Variants in SHC4 observed in about 807,000 individuals in gnomAD.
SHC4 encodes SHC-transforming protein 4.
SHC4 carries 41 observed loss-of-function variants against 69.4 expected under a neutral mutation model. The ratio of observed to expected loss-of-function variants is 0.59; its 90% CI spans 0.46 to 0.77. SHC4 has a LOEUF of 0.77. SHC4 is among the 30% of genes least tolerant of loss of function. The probability of loss-of-function intolerance (pLI) is 0.00; values close to 1 mark genes in which losing one functional copy is unlikely to be tolerated. For synonymous variants in SHC4, 318 were observed against 299.3 expected (o/e 1.06, Z -0.64); for missense variants, 777 against 783.8 (o/e 0.99, Z 0.10).
intron 1 of SHC4, among the ~76,000 whole-genome samples, chr15:48,947,571 A>G (rs1901298066): frequency 6.6e-6 from 1 of 152,234 alleles, no homozygotes; most frequent in Admixed American, 6.5e-5. Context: ...TTTAAAAAAT[A>G]CAAGTGAGAG....
intron 6 of SHC4, among the ~76,000 whole-genome samples, chr15:48,866,619 C>T (rs1346785444): frequency 6.6e-6 from 1 of 152,176 alleles, no homozygotes; most frequent in Non-Finnish European, 1.5e-5. Context: ...GGGATTAAGT[C>T]CCTACTCATT....
intron 11 of SHC4, among the ~76,000 whole-genome samples, chr15:48,831,004 T>C (rs993098595): frequency 2.0e-5 from 3 of 152,166 alleles, no homozygotes; most frequent in African/African-American, 4.8e-5. Context: ...GCTAGCCTAA[T>C]GTCTGTGTTT....
At chr15:48,826,252 A>AAT in intron 11 of SHC4, 126 bp from the exon 12 acceptor site, 1 of 855,116 alleles carries the variant, frequency 1.2e-6, no homozygotes, top group Non-Finnish European at 1.6e-6. Context: ...AAGAAAAGGT[A>AAT]CTTTTTTTTT....
chr15:48,878,413 C>T (rs551657799), intron 4 of SHC4: 1 of 1,611,962 alleles, frequency 6.2e-7, no homozygotes, highest in Admixed American at 1.7e-5. Flanking sequence ...CTAACGGGCC[C>T]AACGCTGGGG....
chr15:48,916,273 T>A (rs73402227), intron 2 of SHC4, among the ~76,000 whole-genome samples: 79 of 142,542 alleles, frequency 5.5e-4, no homozygotes, highest in African/African-American at 1.2e-3. Flanking sequence ...TGATGGTTGC[T>A]CACACACACA....
At chr15:48,876,036 G>A (rs983850868) in intron 4 of SHC4, among the ~76,000 whole-genome samples, 1 of 152,174 alleles carries the variant, frequency 6.6e-6, no homozygotes, top group African/African-American at 2.4e-5. Context: ...ACTGGCCAGA[G>A]TTTTTGAGTT....
chr15:48,832,692 G>T (rs1898828500), intron 11 of SHC4, among the ~76,000 whole-genome samples: 1 of 152,020 alleles, frequency 6.6e-6, no homozygotes, highest in African/African-American at 2.4e-5. Context: ...TGGTCTGCTT[G>T]ATGGTGTATC....
intron 2 of SHC4, among the ~76,000 whole-genome samples, chr15:48,894,019 A>G (rs191392064): frequency 1.4e-4 from 22 of 152,346 alleles, no homozygotes; most frequent in African/African-American, 5.3e-4. Flanking sequence ...GTATTGGGAT[A>G]GCATTGAGTA....
At position 48,856,103 on chromosome 15, in the gene SHC4, G is replaced by A; in HGVS notation, c.1092C>T (p.Ser364=). Residue 364 remains serine (S), a synonymous_variant, in exon 8 of 12, where the codon AGC becomes AGT. Coordinates refer to ENST00000332408, the MANE Select transcript of SHC4 (RefSeq NM_203349.4). ...CATGATCTTCTCTCTCCTCGGCATG[G>A]CTATCAATATGCACCTCCTCACTGT... ...SCESEEVHID[S]HAEEREDHEY... 2 of 1,613,230 alleles carry A rather than the reference G, an allele frequency of 1.2e-6. No homozygotes were observed. The highest frequency in any genetic ancestry group is 1.7e-6 in the Non-Finnish European group (2 of 1,179,542).
chr15:48,881,545 C>T (rs1262950588), intron 4 of SHC4, among the ~76,000 whole-genome samples: 2 of 152,082 alleles, frequency 1.3e-5, no homozygotes, highest in African/African-American at 2.4e-5. Flanking sequence ...CCTACTTGGC[C>T]TCTAAATATC....
intron 6 of SHC4, among the ~76,000 whole-genome samples, chr15:48,865,258 G>A (rs534357426): frequency 7.2e-5 from 11 of 152,142 alleles, no homozygotes; most frequent in South Asian, 4.1e-4. Context: ...GGCTCAGGTC[G>A]GGGGAAAAGA....
intron 3 of SHC4, 126 bp from the exon 4 acceptor site, chr15:48,884,493 AAATC>A: frequency 1.3e-6 from 1 of 774,094 alleles, no homozygotes; most frequent in Non-Finnish European, 1.8e-6. Context: ...TACTTTATGT[AAATC>A]AAATGAAAGG....
chr15:48,962,883 T>G lies in SHC4; in HGVS notation c.133A>C (p.Ser45Arg). 1 of 1,613,382 alleles carries G rather than the reference T, an allele frequency of 6.2e-7. No individual in the cohort carries two copies. The highest frequency in any genetic ancestry group is 1.3e-5 in the African/African-American group (1 of 75,034). Residue 45 changes from serine (S) to arginine (R), a missense_variant, in exon 1 of 12, where the codon AGC becomes CGC. Physicochemically the swap from Ser to Arg is moderately radical, Grantham distance 110. Transcript: ENST00000332408. ...TTGTTCCCGACCGAGCCTCCGGAGC[T>G]ACCTTCGTCCAAGGACGTGATCGAC... ...NESITSLDEGSSGGSVGNKGS... is the reference protein window; with the variant it reads ...NESITSLDEGRSGGSVGNKGS...
At chr15:48,914,504 T>C (rs1900579971) in intron 2 of SHC4, among the ~76,000 whole-genome samples, 1 of 152,194 alleles carries the variant, frequency 6.6e-6, no homozygotes, top group Non-Finnish European at 1.5e-5. Context: ...CTGCCACAGC[T>C]CCTCTCTGCC....
At chr15:48,882,562 C>G (rs1899964293) in intron 4 of SHC4, among the ~76,000 whole-genome samples, 1 of 152,038 alleles carries the variant, frequency 6.6e-6, no homozygotes, top group Non-Finnish European at 1.5e-5. Flanking sequence ...TAAACTCTGC[C>G]CCACCACATA....
intron 3 of SHC4, among the ~76,000 whole-genome samples, chr15:48,889,454 C>A (rs887704489): frequency 5.3e-5 from 8 of 152,204 alleles, no homozygotes; most frequent in African/African-American, 1.9e-4. Context: ...TGGCTCTGAC[C>A]TTAATCATCC....
intron 1 of SHC4, among the ~76,000 whole-genome samples, chr15:48,955,467 A>G (rs1326799584): frequency 6.6e-6 from 1 of 152,116 alleles, no homozygotes; most frequent in Non-Finnish European, 1.5e-5. Context: ...TGAACATGGA[A>G]ATGAGAGGAA....
chr15:48,932,040 T>C (rs905025025), intron 1 of SHC4, among the ~76,000 whole-genome samples: 2 of 152,120 alleles, frequency 1.3e-5, no homozygotes, highest in African/African-American at 4.8e-5. Context: ...TTCTTTATTC[T>C]GAGTTTTATT....
intron 4 of SHC4, chr15:48,877,401 A>G (rs909175731): frequency 1.0e-6 from 1 of 957,516 alleles, no homozygotes; most frequent in South Asian, 4.8e-5. Flanking sequence ...GTAAGTATAC[A>G]CAGTCATATA....
Sources: gnomAD v4.1 joint callset for allele counts (sites outside exome capture counted in the v4.1 genomes callset) on GRCh38, gnomAD v4.1.1 for gene constraint, MANE v1.5 for transcripts, NCBI Gene and HGNC (gene_info 2026-07-23, HGNC 2026-07-21) for gene names.